The following TFEC variants were observed in gnomAD, a reference collection of about 807,000 sequenced individuals.
TFEC encodes class E basic helix-loop-helix protein 34.
A neutral mutation model predicts 41.6 loss-of-function variants in TFEC; 31 were observed. The ratio of observed to expected loss-of-function variants is 0.74; its 90% CI spans 0.56 to 1.01. TFEC has a LOEUF of 1.01. TFEC is among the 50% of genes least tolerant of loss of function. The probability of loss-of-function intolerance (pLI) is 0.00; values close to 1 mark genes in which losing one functional copy is unlikely to be tolerated. For missense variants in TFEC, 402 were observed against 404.1 expected (o/e 0.99, Z 0.04); for synonymous variants, 143 against 140.6 (o/e 1.02, Z -0.12).
intron 3 of TFEC, among the ~76,000 whole-genome samples, chr7:116,064,399 TA>T (rs1796644107): frequency 6.6e-6 from 1 of 151,016 alleles, no homozygotes; most frequent in East Asian, 1.9e-4. Flanking sequence ...TAATTATTTT[TA>T]AAAATATATC....
chr7:116,030,456 C>G (rs940333173), intron 1 of TFEC, among the ~76,000 whole-genome samples, 177 bp downstream of exon 1: 2 of 152,052 alleles, frequency 1.3e-5, no homozygotes, highest in Non-Finnish European at 2.9e-5. Context: ...CATATTTTCC[C>G]CAAATAATAG....
intron 1 of TFEC, among the ~76,000 whole-genome samples, chr7:116,003,445 C>T (rs916603134): frequency 5.3e-5 from 8 of 151,874 alleles, no homozygotes; most frequent in Admixed American, 3.9e-4. Flanking sequence ...CATAACAATC[C>T]TTAATATTTA....
rs995817421 is a variant in TFEC, at chr7:116,007,162, AT to A, written c.-72-22650del. 4.9e-4 allele frequency among the ~76,000 whole-genome samples: 74 copies of A among 152,102 alleles called. 2 individuals are homozygous for A. Among genetic ancestry groups the A allele is most frequent in the Admixed American group, 1.6e-3 (25 of 15,260 alleles). ...TTTCTATCTTTTTTTTAGACAGGAA[AT>A]TAATGCAGGAGTTCTGACTACTGAG... On this transcript the variant is annotated intron_variant, in intron 1 of 7. Coordinates refer to ENST00000265440, the MANE Select transcript of TFEC (RefSeq NM_012252.4).
intron 3 of TFEC, among the ~76,000 whole-genome samples, chr7:116,078,841 TC>T (rs1417452592): frequency 1.3e-5 from 2 of 152,000 alleles, no homozygotes; most frequent in African/African-American, 4.8e-5. Flanking sequence ...GAAGTCAATA[TC>T]ACCCTAATAC....
chr7:116,135,002 C>T (rs556687128), intron 1 of TFEC, among the ~76,000 whole-genome samples: 3 of 152,218 alleles, frequency 2.0e-5, no homozygotes, highest in African/African-American at 7.2e-5. Context: ...ACAACTTATA[C>T]ATTTTAAAAT....
At chr7:116,088,078 A>T (rs1482146096) in intron 3 of TFEC, among the ~76,000 whole-genome samples, 1 of 151,990 alleles carries the variant, frequency 6.6e-6, no homozygotes, top group African/African-American at 2.4e-5. Flanking sequence ...GATTCTCATG[A>T]TCTCTCCTGT....
chr7:115,940,675 A>G lies in TFEC; in HGVS notation c.920T>C (p.Met307Thr). Residue 307 changes from methionine (M) to threonine (T), a missense_variant, in exon 8 of 8, where the codon ATG (methionine) becomes ACG (threonine). Transcript: ENST00000265440. ...TGGAGAGATTGTGTCATCCAATAGC[A>G]TGCCATCCAATCTTTGTTCCTCTTT... ...ALKEEQRLDG[M>T]LLDDTISPFG... is the part of the protein sequence containing the mutation. 1 of 1,613,624 alleles carries G rather than the reference A, an allele frequency of 6.2e-7. No homozygotes were observed. The highest frequency in any genetic ancestry group is 8.5e-7 in the Non-Finnish European group (1 of 1,179,652).
chr7:115,953,930 T>C (rs1792081302), intron 5 of TFEC, among the ~76,000 whole-genome samples: 2 of 152,150 alleles, frequency 1.3e-5, no homozygotes, highest in African/African-American at 4.8e-5. Flanking sequence ...GTTTTTGATT[T>C]GGCTTCCAGA....
At chr7:116,086,081 C>T (rs991453193) in intron 3 of TFEC, among the ~76,000 whole-genome samples, 1 of 151,692 alleles carries the variant, frequency 6.6e-6, no homozygotes, top group African/African-American at 2.4e-5. Context: ...TTCTTTCACA[C>T]ATGATTTATT....
intron 1 of TFEC, among the ~76,000 whole-genome samples, chr7:115,987,288 C>T (rs1793902879): frequency 6.6e-6 from 1 of 152,114 alleles, no homozygotes; most frequent in Non-Finnish European, 1.5e-5. Context: ...AAAAAAATCT[C>T]TGACTTTACT....
At chr7:115,965,993 C>T (rs1393841150) in intron 3 of TFEC, among the ~76,000 whole-genome samples, 1 of 151,432 alleles carries the variant, frequency 6.6e-6, no homozygotes, top group Non-Finnish European at 1.5e-5. Context: ...AAATTATGTT[C>T]CCCGCCACTA....
At chr7:116,074,689 A>C (rs1796912645) in intron 3 of TFEC, among the ~76,000 whole-genome samples, 4 of 152,158 alleles carry the variant, frequency 2.6e-5, no homozygotes, top group Admixed American at 2.6e-4. Context: ...ACTTTGGAAA[A>C]TAATTTAGCA....
At chr7:115,941,002 C>T in intron 7 of TFEC, 71 bp from the exon 8 acceptor site, 4 of 1,377,094 alleles carry the variant, frequency 2.9e-6, no homozygotes, top group Non-Finnish European at 3.9e-6. Context: ...ATAAGCCAGA[C>T]ATAGAATCAA....
At chr7:115,997,683 G>A (rs1562923103) in intron 1 of TFEC, among the ~76,000 whole-genome samples, 1 of 152,100 alleles carries the variant, frequency 6.6e-6, no homozygotes. Flanking sequence ...TAGATGTTTT[G>A]AAGAAATTCA....
intron 6 of TFEC, among the ~76,000 whole-genome samples, chr7:115,947,929 A>T (rs1315866354): frequency 6.6e-6 from 1 of 152,084 alleles, no homozygotes; most frequent in Admixed American, 6.6e-5. Flanking sequence ...TGAAAGGATC[A>T]ACAAAATTGA....
At chr7:115,942,092 A>G (rs138110588) in intron 6 of TFEC, 52 bp from the exon 7 acceptor site, 2 of 1,512,078 alleles carry the variant, frequency 1.3e-6, no homozygotes, top group African/African-American at 2.8e-5. Context: ...AGCAGAATTC[A>G]TAAGAACTTA....
At chr7:116,011,109 T>G (rs903510418) in intron 1 of TFEC, among the ~76,000 whole-genome samples, 5 of 152,204 alleles carry the variant, frequency 3.3e-5, no homozygotes, top group African/African-American at 9.6e-5. Flanking sequence ...AATATTCGTA[T>G]GCTTTGCTGC....
At chr7:115,959,313 T>C (rs535543846) in intron 3 of TFEC, among the ~76,000 whole-genome samples, 2 of 151,710 alleles carry the variant, frequency 1.3e-5, no homozygotes, top group African/African-American at 4.8e-5. Flanking sequence ...TTCTTTCTGA[T>C]AGAAAAAAGT....
intron 1 of TFEC, among the ~76,000 whole-genome samples, chr7:115,989,976 A>G (rs1340912869): frequency 6.6e-6 from 1 of 152,148 alleles, no homozygotes; most frequent in Non-Finnish European, 1.5e-5. Context: ...GGTACCTCCT[A>G]GTAGGGGCTG....
Sources: allele counts gnomAD v4.1 joint callset (sites outside exome capture counted in the v4.1 genomes callset), GRCh38; gene constraint gnomAD v4.1.1; transcripts MANE v1.5; gene names NCBI Gene and HGNC (gene_info 2026-07-23, HGNC 2026-07-21).